AGBL4: variants seen among roughly 807,000 people sequenced by gnomAD.
AGBL4 encodes AGBL carboxypeptidase 4.
In AGBL4, 58 loss-of-function variants were observed where a neutral mutation model predicts 66.4. The ratio of observed to expected loss-of-function variants is 0.87; its 90% CI spans 0.71 to 1.09. The LOEUF is 1.09. AGBL4 is among the 50% of genes least tolerant of loss of function. AGBL4 has a pLI of 0.00. For synonymous variants in AGBL4, 234 were observed against 222.9 expected (o/e 1.05, Z -0.44); for missense variants, 579 against 631.0 (o/e 0.92, Z 0.88).
At chr1:49,754,904 T>C (rs1403762523) in intron 2 of AGBL4, among the ~76,000 whole-genome samples, 1 of 152,252 alleles carries the variant, frequency 6.6e-6, no homozygotes, top group East Asian at 1.9e-4. Flanking sequence ...CCCTTGAATC[T>C]GAAGGATGAC....
intron 4 of AGBL4, among the ~76,000 whole-genome samples, chr1:49,192,523 T>C (rs552744904): frequency 7.0e-4 from 106 of 152,318 alleles, no homozygotes; most frequent in African/African-American, 2.4e-3. Flanking sequence ...GGTCGCAAAC[T>C]CCTGACCTCA....
intron 5 of AGBL4, among the ~76,000 whole-genome samples, chr1:49,005,120 T>G (rs374483695): frequency 2.2e-4 from 33 of 152,270 alleles, no homozygotes; most frequent in African/African-American, 7.9e-4. Flanking sequence ...CCAAGAATAT[T>G]TAGTTGAAAA....
At chr1:49,812,556 T>A (rs966951204) in intron 2 of AGBL4, among the ~76,000 whole-genome samples, 1 of 152,168 alleles carries the variant, frequency 6.6e-6, no homozygotes. Context: ...GAGAAAGGGA[T>A]GTAAGTTCAT....
chr1:48,744,596 T>C (rs1241437022), intron 6 of AGBL4, among the ~76,000 whole-genome samples: 1 of 152,178 alleles, frequency 6.6e-6, no homozygotes, highest in Non-Finnish European at 1.5e-5. Context: ...AAAGCCTCCT[T>C]TTCCTTCCAT....
intron 3 of AGBL4, among the ~76,000 whole-genome samples, chr1:49,344,581 TA>T (rs1490704522): frequency 6.6e-6 from 1 of 152,148 alleles, no homozygotes; most frequent in Admixed American, 6.6e-5. Context: ...AGTTTTTCCA[TA>T]AATTGAACAT....
At chr1:49,378,984 C>A (rs1016724472) in intron 3 of AGBL4, among the ~76,000 whole-genome samples, 2 of 152,020 alleles carry the variant, frequency 1.3e-5, no homozygotes, top group South Asian at 4.1e-4. Flanking sequence ...GTGGCCACCA[C>A]CACTCTATAC....
chr1:49,979,643 G>C (rs1658894603), intron 1 of AGBL4, among the ~76,000 whole-genome samples: 1 of 152,084 alleles, frequency 6.6e-6, no homozygotes. Flanking sequence ...TGAGCTCAAG[G>C]GTTGCAAATA....
At chr1:48,578,190 C>T (rs1004724107) in intron 11 of AGBL4, among the ~76,000 whole-genome samples, 1 of 152,108 alleles carries the variant, frequency 6.6e-6, no homozygotes, top group African/African-American at 2.4e-5. Flanking sequence ...GGGAACAGAC[C>T]TCCTCAAACC....
intron 4 of AGBL4, among the ~76,000 whole-genome samples, chr1:49,103,290 A>T (rs537863187): frequency 6.6e-6 from 1 of 152,306 alleles, no homozygotes; most frequent in South Asian, 2.1e-4. Context: ...GACTCTCAAG[A>T]TGATGCAAGC....
chr1:48,993,863 AG>A, intron 5 of AGBL4, among the ~76,000 whole-genome samples: 1 of 152,286 alleles, frequency 6.6e-6, no homozygotes, highest in East Asian at 1.9e-4. Context: ...TGCCAGGAGA[AG>A]GGGGAGGGGT....
chr1:49,271,805 C>A (rs558852549), intron 3 of AGBL4, among the ~76,000 whole-genome samples: 1 of 152,290 alleles, frequency 6.6e-6, no homozygotes, highest in South Asian at 2.1e-4. Context: ...GGTACCCCTT[C>A]ACCCCATTTG....
intron 3 of AGBL4, among the ~76,000 whole-genome samples, chr1:49,330,841 A>G (rs1173038261): frequency 6.6e-6 from 1 of 152,158 alleles, no homozygotes; most frequent in Non-Finnish European, 1.5e-5. Flanking sequence ...AGGGGCGAGT[A>G]AATTCAGCAC....
chr1:49,328,226 T>G (rs1478965834), intron 3 of AGBL4, among the ~76,000 whole-genome samples: 2 of 152,224 alleles, frequency 1.3e-5, no homozygotes, highest in South Asian at 4.1e-4. Flanking sequence ...GGCAATATTA[T>G]CTTCCTGTTC....
intron 1 of AGBL4, among the ~76,000 whole-genome samples, chr1:50,005,659 T>C (rs1007482658): frequency 6.6e-6 from 1 of 152,152 alleles, no homozygotes; most frequent in African/African-American, 2.4e-5. Context: ...ATGAACTAAA[T>C]AAGTCACCAG....
intron 4 of AGBL4, among the ~76,000 whole-genome samples, chr1:49,146,363 C>T (rs1247147330): frequency 6.6e-6 from 1 of 151,490 alleles, no homozygotes; most frequent in Non-Finnish European, 1.5e-5. Flanking sequence ...TCTCATATAC[C>T]CCATAAATAT....
chr1:49,534,744 G>T (rs1651434697), intron 3 of AGBL4, among the ~76,000 whole-genome samples: 1 of 152,194 alleles, frequency 6.6e-6, no homozygotes, highest in African/African-American at 2.4e-5. Flanking sequence ...CTCCCTGTAA[G>T]AATCTCCATC....
At chr1:49,858,754 C>T (rs1221417165) in intron 1 of AGBL4, among the ~76,000 whole-genome samples, 1 of 152,160 alleles carries the variant, frequency 6.6e-6, no homozygotes, top group African/African-American at 2.4e-5. Context: ...AGGTGCCTCA[C>T]ACCTGTAATC....
intron 5 of AGBL4, among the ~76,000 whole-genome samples, chr1:48,982,259 A>C (rs1659831384): frequency 6.6e-6 from 1 of 152,180 alleles, no homozygotes; most frequent in Admixed American, 6.5e-5. Context: ...GGTTTGTTAC[A>C]TATATATACA....
chr1:49,692,183 C>A (rs549151161), intron 3 of AGBL4, among the ~76,000 whole-genome samples: 1 of 152,070 alleles, frequency 6.6e-6, no homozygotes, highest in East Asian at 1.9e-4. Context: ...TTCACAAGAC[C>A]CCTATGAATT....
Sources: gnomAD v4.1 joint callset for allele counts (sites outside exome capture counted in the v4.1 genomes callset) on GRCh38, gnomAD v4.1.1 for gene constraint, MANE v1.5 for transcripts, NCBI Gene and HGNC (gene_info 2026-07-23, HGNC 2026-07-21) for gene names.